Variants in PSG3 observed in about 807,000 individuals in gnomAD.
The protein encoded by PSG3 is pregnancy specific beta-1-glycoprotein 3, also known as pregnancy-specific beta-1-glycoprotein 3.
PSG3 carries 61 observed loss-of-function variants against 47.5 expected under a neutral mutation model. The ratio of observed to expected loss-of-function variants is 1.28; its 90% CI spans 1.05 to 1.59. PSG3 has a LOEUF of 1.59. Ranked by LOEUF, PSG3 falls within the 40% of genes most tolerant of loss-of-function variation. The pLI is 0.00. For synonymous variants in PSG3, 263 were observed against 198.4 expected (o/e 1.33, Z -2.74); for missense variants, 756 against 524.0 (o/e 1.44, Z -4.32).
In PSG3 at chr19:42,738,992, A is replaced by C; in HGVS notation, c.162T>G (p.Leu54=). ...KVSKGKDVLL[L]VHNLPQNLAG... ...CAAGATTCTGGGGCAAATTGTGGAC[A>C]AGTAGAAGAACGTCCTTCCCCTTGG... Residue 54 remains leucine (L), a synonymous_variant, in exon 2 of 7, where the codon CTT becomes CTG. Transcript: ENST00000327495. The C allele has an allele frequency of 6.2e-7, 1 of 1,614,030 alleles. No individual in the cohort carries two copies. The highest frequency in any genetic ancestry group is 8.5e-7 in the Non-Finnish European group (1 of 1,179,958).
chr19:42,734,740 A>G (rs1969533684), intron 2 of PSG3, among the ~76,000 whole-genome samples: 1 of 152,226 alleles, frequency 6.6e-6, no homozygotes, highest in Admixed American at 6.5e-5. Flanking sequence ...AAAGGACAGA[A>G]CTGGTTAGTG....
chr19:42,721,937 T>G lies in PSG3; in HGVS notation c.*194A>C. On this transcript the variant is annotated 3_prime_UTR_variant, in exon 7 of 7. Coordinates refer to ENST00000327495, the MANE Select transcript of PSG3 (RefSeq NM_021016.4). ...AGTATCAGCCTGTTCATTAAAATTT[T>G]GAAAGTTCTTAGTCCAGTGGTATGA... 2.4e-6 allele frequency: 1 copy of G among 415,440 alleles called. No homozygotes were observed. The highest frequency in any genetic ancestry group is 4.4e-6 in the Non-Finnish European group (1 of 226,208). The allele number at this position is 415,440 out of a possible 1,614,324, so 25.7% of individuals were successfully genotyped here.
In PSG3 at chr19:42,732,641, C is replaced by T. The variant is rs1600385834; in HGVS notation, c.709+143G>A. 1.0e-5 allele frequency: 16 copies of T among 1,586,984 alleles called. No homozygotes were observed. In the South Asian group the frequency reaches 1.7e-4, roughly 17 times the overall value. ...CAAGCCTAGGCCTACTCTGGTTTGCCTGGGGCAGAAAGTCATGGCCAGGTT... is the reference window on the plus strand; with the variant it reads ...CAAGCCTAGGCCTACTCTGGTTTGCTTGGGGCAGAAAGTCATGGCCAGGTT... On this transcript the variant is annotated intron_variant, in intron 3 of 6. Transcript: ENST00000327495.
chr19:42,726,705 A>T (rs1969383375), intron 5 of PSG3, among the ~76,000 whole-genome samples: 1 of 152,252 alleles, frequency 6.6e-6, no homozygotes, highest in Non-Finnish European at 1.5e-5. Flanking sequence ...TTAGGAGGAC[A>T]GTGCTACCTG....
chr19:42,729,842 A>T lies in PSG3; in HGVS notation c.924T>A (p.Tyr308Ter). ...PSVTRNETGP[Y>*]QCEIQDRYGG... Reference sequence around the variant, plus strand: ...CATATCGGTCCTGTATTTCACATTGATAGGGTCCTGTTTCATTTCTCGTGA... The same window carrying T: ...CATATCGGTCCTGTATTTCACATTGTTAGGGTCCTGTTTCATTTCTCGTGA... The change falls in exon 4 of 7, where the codon TAT (tyrosine) becomes TAA (stop). Residue 308 changes from tyrosine (Y) to a stop codon, truncating the protein, a stop_gained. Transcript: ENST00000327495. LOFTEE classifies it high-confidence loss of function. The T allele has an allele frequency of 6.2e-7, 1 of 1,613,514 alleles. No individual in the cohort carries two copies. The highest frequency in any genetic ancestry group is 8.5e-7 in the Non-Finnish European group (1 of 1,179,854).
intron 2 of PSG3, among the ~76,000 whole-genome samples, chr19:42,734,718 A>G (rs1278329256): frequency 3.9e-5 from 6 of 152,242 alleles, no homozygotes; most frequent in Non-Finnish European, 5.9e-5. Flanking sequence ...TTAAGTAGAG[A>G]GAGTCCCGTT....
At chr19:42,740,198 C>G in intron 1 of PSG3, 123 bp downstream of exon 1, 4 of 1,583,898 alleles carry the variant, frequency 2.5e-6, no homozygotes. Context: ...GTGATCCACC[C>G]TCCTCAGCCT....
chr19:42,735,185 A>C (rs1969542776), intron 2 of PSG3, among the ~76,000 whole-genome samples: 1 of 152,104 alleles, frequency 6.6e-6, no homozygotes, highest in Non-Finnish European at 1.5e-5. Context: ...AAAAATTGCT[A>C]TTGTCAAATC....
rs147088150 is a variant in PSG3, at chr19:42,727,930, G to A, written c.1243+1193C>T. On this transcript the variant is annotated intron_variant, in intron 5 of 6. Transcript: ENST00000327495. The stretch of plus-strand genomic sequence containing the variant: ...AGGTGTATCTATACATTGAAATGTT[G>A]TTCAACCTTAACAAGGAATAAAATT... 5.9e-5 allele frequency among the ~76,000 whole-genome samples: 9 copies of A among 152,324 alleles called. No homozygotes were observed. In the East Asian group the frequency reaches 9.6e-4, roughly 16 times the overall value.
rs746019582 is a variant in PSG3, at chr19:42,732,834, C to T, written c.659G>A (p.Arg220Gln). Residue 220 changes from arginine to glutamine, a missense_variant, in exon 3 of 7, where the codon CGG becomes CAG. Coordinates refer to ENST00000327495, the MANE Select transcript of PSG3 (RefSeq NM_021016.4). ...ACTGCGGCTGGCACTCACTGGGTTC[C>T]GTATTTCACATTCATAGGGTCCTGC... ...YTAGPYECEI[R>Q]NPVSASRSDP... is the part of the protein sequence containing the mutation. The T allele has an allele frequency of 3.0e-5, 48 of 1,614,018 alleles. No individual in the cohort carries two copies. Among genetic ancestry groups the T allele is most frequent in the South Asian group, 1.9e-4 (17 of 91,078 alleles).
chr19:42,740,208 T>C (rs1969647516), intron 1 of PSG3, 113 bp downstream of exon 1: 1 of 1,598,252 alleles, frequency 6.3e-7, no homozygotes, highest in Non-Finnish European at 8.5e-7. Flanking sequence ...CTCCTCAGCC[T>C]CCCTAAGTGC....
Position 42,739,077 on chromosome 19 carries a change from T to C in PSG3, c.77A>G (p.Asn26Ser), listed in dbSNP as rs1446180748. The C allele has an allele frequency of 6.2e-7, 1 of 1,603,556 alleles. No homozygotes were observed. Among genetic ancestry groups the C allele is most frequent in the Non-Finnish European group, 8.5e-7 (1 of 1,171,746 alleles). The change falls in exon 2 of 7, where the codon AAC (asparagine) becomes AGC (serine). Residue 26 changes from asparagine (N) to serine (S), a missense_variant. Physicochemically the swap from Asn to Ser is conservative, Grantham distance 46 (BLOSUM62 1). Transcript: ENST00000327495. ...KGLLLTALLL[N>S]FWNLPTTAQV... The stretch of plus-strand genomic sequence containing the variant: ...GGCAGTGGTAGGCAAGTTCCAGAAG[T>C]TTAAAAGTAATGCTAGGAGGTGGAG...
intron 5 of PSG3, among the ~76,000 whole-genome samples, chr19:42,725,872 C>A (rs1428720404): frequency 3.4e-5 from 4 of 117,808 alleles, no homozygotes; most frequent in African/African-American, 1.3e-4. Flanking sequence ...CTGTCTCTCT[C>A]TCTTCAACAA....
At chr19:42,730,084 C>T (rs769426202) in intron 3 of PSG3, 28 bp from the exon 4 acceptor site, 22 of 1,606,160 alleles carry the variant, frequency 1.4e-5, no homozygotes, top group Non-Finnish European at 1.9e-5. Context: ...AGAAGATTGT[C>T]CTGTGTGGCA....
intron 6 of PSG3, among the ~76,000 whole-genome samples, chr19:42,723,116 G>A (rs1969323521): frequency 6.6e-6 from 1 of 152,214 alleles, no homozygotes; most frequent in South Asian, 2.1e-4. Flanking sequence ...TAGGGACCTT[G>A]CCTTCATCAT....
chr19:42,732,870 G>T lies in PSG3; in HGVS notation c.623C>A (p.Thr208Lys), dbSNP rs764966986. 3 of 1,614,124 alleles carry T rather than the reference G, an allele frequency of 1.9e-6. No individual in the cohort carries two copies. Among genetic ancestry groups the T allele is most frequent in the Non-Finnish European group, 2.5e-6 (3 of 1,180,000 alleles). The change falls in exon 3 of 7, where the codon ACA becomes AAA. Residue 208 changes from threonine to lysine, a missense_variant. Coordinates refer to ENST00000327495, the MANE Select transcript of PSG3 (RefSeq NM_021016.4). ...TTCATAGGGTCCTGCAGTGTACTTT[G>T]TGACACCAAATAGAAAGAGGGTCCT... ...NKRTLFLFGV[T>K]KYTAGPYECE...
chr19:42,740,340 C>T lies in PSG3; in HGVS notation c.45G>A (p.Trp15Ter). 2 of 1,613,980 alleles carry T rather than the reference C, an allele frequency of 1.2e-6. No homozygotes were observed. The highest frequency in any genetic ancestry group is 1.7e-4 in the Middle Eastern group (1 of 6,056). Residue 15 changes from tryptophan to a stop codon, truncating the protein, a stop_gained, in exon 1 of 7, where the codon TGG (tryptophan) becomes TGA (stop). Transcript: ENST00000327495. LOFTEE classifies it high-confidence loss of function. ...CCTCACCTGTGAGCAGGAGCCCCTT[C>T]CAGGTGATGCGCTGTGTGCAGGGAG... Reference protein sequence around the residue: ...SAPPCTQRITWKGLLLTALLL... With the variant: ...SAPPCTQRIT
chr19:42,732,824 C>T lies in PSG3; in HGVS notation c.669G>A (p.Val223=), dbSNP rs1969495195. 1.2e-6 allele frequency: 2 copies of T among 1,614,074 alleles called. No homozygotes were observed. The highest frequency in any genetic ancestry group is 1.7e-6 in the Non-Finnish European group (2 of 1,180,022). ...TGACTGGGTCACTGCGGCTGGCACT[C>T]ACTGGGTTCCGTATTTCACATTCAT... ...GPYECEIRNP[V]SASRSDPVTL... The change falls in exon 3 of 7, where the codon GTG becomes GTA. Residue 223 remains valine (V), a synonymous_variant. Coordinates refer to ENST00000327495, the MANE Select transcript of PSG3 (RefSeq NM_021016.4).
Position 42,729,759 on chromosome 19 carries a change from A to C in PSG3, c.988+19T>G, listed in dbSNP as rs1338235138. On this transcript the variant is annotated intron_variant, in intron 4 of 6. Transcript: ENST00000327495. The stretch of plus-strand genomic sequence containing the variant: ...TTTAAGCTGGTGTCCTGGCCCACAG[A>C]GGAACAAAAGATACTCACAGAGGAC... 13 of 1,606,190 alleles carry C rather than the reference A, an allele frequency of 8.1e-6. No homozygotes were observed. Among genetic ancestry groups the C allele is most frequent in the Non-Finnish European group, 1.1e-5 (13 of 1,176,596 alleles).
Sources: allele counts gnomAD v4.1 joint callset (sites outside exome capture counted in the v4.1 genomes callset), GRCh38; gene constraint gnomAD v4.1.1; transcripts MANE v1.5; gene names NCBI Gene and HGNC (gene_info 2026-07-23, HGNC 2026-07-21).